PCP4L1: variants seen among roughly 807,000 people sequenced by gnomAD.
PCP4L1 encodes the protein Purkinje cell protein 4 like 1.
Under a neutral mutation model 9.6 loss-of-function variants are expected in PCP4L1, and 9 were observed. The ratio of observed to expected loss-of-function variants is 0.94; its 90% CI spans 0.57 to 1.64. The LOEUF is 1.64. PCP4L1 is among the 40% of genes most tolerant of loss of function. PCP4L1 has a pLI of 0.00. For synonymous variants in PCP4L1, 31 were observed against 28.2 expected (o/e 1.10, Z -0.31); for missense variants, 81 against 80.8 (o/e 1.00, Z -0.01).
In PCP4L1 at chr1:161,261,484, G is replaced by A. The variant is rs1006742875; in HGVS notation, c.9+2501G>A. On this transcript the variant is annotated intron_variant, in intron 1 of 2. Coordinates refer to ENST00000504449, the MANE Select transcript of PCP4L1 (RefSeq NM_001102566.2). ...TTTGTCTGCATTCACAGCTGCAGGC[G>A]GGACTTGATTGCTGTGGATCACACT... is the stretch of plus-strand genomic sequence containing the variant. Among the ~76,000 whole-genome samples, 6 of 152,336 alleles carry A rather than the reference G, an allele frequency of 3.9e-5. No individual in the cohort carries two copies. The East Asian group carries it at 1.2e-3, about 29-fold the overall frequency.
At chr1:161,278,745 C>T (rs1464214041) in intron 1 of PCP4L1, among the ~76,000 whole-genome samples, 1 of 152,122 alleles carries the variant, frequency 6.6e-6, no homozygotes. Context: ...TTCTTATACT[C>T]TCTCCCTTAC....
intron 1 of PCP4L1, among the ~76,000 whole-genome samples, chr1:161,273,905 C>A (rs1293849236): frequency 6.6e-6 from 1 of 152,192 alleles, no homozygotes; most frequent in African/African-American, 2.4e-5. Flanking sequence ...CATACATCCC[C>A]ATACTTTTGA....
chr1:161,258,965 G>A lies in PCP4L1; in HGVS notation c.-10G>A, dbSNP rs1481170865. 6.5e-7 allele frequency: 1 copy of A among 1,534,384 alleles called. No individual in the cohort carries two copies. Among genetic ancestry groups the A allele is most frequent in the Non-Finnish European group, 8.7e-7 (1 of 1,145,938 alleles). On this transcript the variant is annotated 5_prime_UTR_variant, in exon 1 of 3. Transcript: ENST00000504449. ...GTGCAGCGCCTCGCGCGCCCTGTCCGGCTGCGGAGATGAGCGAGGTGAGCG... is the reference window on the plus strand; with the variant it reads ...GTGCAGCGCCTCGCGCGCCCTGTCCAGCTGCGGAGATGAGCGAGGTGAGCG...
chr1:161,268,245 T>C (rs1478060762), intron 1 of PCP4L1, among the ~76,000 whole-genome samples: 1 of 151,774 alleles, frequency 6.6e-6, no homozygotes, highest in Non-Finnish European at 1.5e-5. Flanking sequence ...TTGTGATTTC[T>C]AGGGCTTGTT....
intron 1 of PCP4L1, among the ~76,000 whole-genome samples, chr1:161,279,768 C>G (rs754057606): frequency 7.9e-5 from 12 of 152,188 alleles, no homozygotes; most frequent in Non-Finnish European, 1.3e-4. Context: ...CCAGATGAAC[C>G]ATACCTTGAG....
intron 1 of PCP4L1, among the ~76,000 whole-genome samples, chr1:161,263,118 C>T (rs1311104925): frequency 1.3e-5 from 2 of 152,218 alleles, no homozygotes; most frequent in Non-Finnish European, 2.9e-5. Flanking sequence ...TCTAAGTTTA[C>T]ACTGTACTAG....
At chr1:161,262,285 T>G (rs1355978846) in intron 1 of PCP4L1, among the ~76,000 whole-genome samples, 1 of 151,564 alleles carries the variant, frequency 6.6e-6, no homozygotes, top group Non-Finnish European at 1.5e-5. Flanking sequence ...ATACAAAAAA[T>G]TAGCCAGGCA....
At chr1:161,265,471 C>T (rs1174604640) in intron 1 of PCP4L1, among the ~76,000 whole-genome samples, 1 of 151,990 alleles carries the variant, frequency 6.6e-6, no homozygotes, top group Non-Finnish European at 1.5e-5. Flanking sequence ...TGCAGTGAGC[C>T]GTGATTGTGC....
intron 1 of PCP4L1, among the ~76,000 whole-genome samples, chr1:161,269,260 G>A (rs142698568): frequency 2.0e-5 from 3 of 152,084 alleles, no homozygotes; most frequent in African/African-American, 7.2e-5. Flanking sequence ...GGTGGGGAAG[G>A]GGGGGTAAGA....
chr1:161,275,192 G>T (rs1036925410), intron 1 of PCP4L1, among the ~76,000 whole-genome samples: 6 of 152,136 alleles, frequency 3.9e-5, no homozygotes, highest in African/African-American at 1.4e-4. Context: ...GAATGTAGAG[G>T]AAACAGCCAC....
chr1:161,275,270 AC>A (rs1458423466), intron 1 of PCP4L1, among the ~76,000 whole-genome samples: 1 of 152,076 alleles, frequency 6.6e-6, no homozygotes, highest in Admixed American at 6.6e-5. Context: ...TAATCCCAGC[AC>A]TTTGGGAGGC....
intron 1 of PCP4L1, among the ~76,000 whole-genome samples, chr1:161,278,853 G>C (rs1341044806): frequency 6.6e-6 from 1 of 152,072 alleles, no homozygotes; most frequent in East Asian, 1.9e-4. Flanking sequence ...CGCAATCTCA[G>C]CTCACTGCAA....
At chr1:161,279,608 T>C (rs1415003274) in intron 1 of PCP4L1, among the ~76,000 whole-genome samples, 1 of 152,230 alleles carries the variant, frequency 6.6e-6, no homozygotes, top group Non-Finnish European at 1.5e-5. Flanking sequence ...GGGGATAATA[T>C]TAAATACTCC....
chr1:161,259,442 C>G (rs1478693375), intron 1 of PCP4L1, among the ~76,000 whole-genome samples: 2 of 152,152 alleles, frequency 1.3e-5, no homozygotes, highest in Non-Finnish European at 2.9e-5. Flanking sequence ...GCCACTGTGC[C>G]CCTTTTAGAA....
chr1:161,258,856 G>T lies in PCP4L1; in HGVS notation c.-119G>T. 1 of 1,429,478 alleles carries T rather than the reference G, an allele frequency of 7.0e-7. No individual in the cohort carries two copies. Among genetic ancestry groups the T allele is most frequent in the Non-Finnish European group, 9.5e-7 (1 of 1,051,094 alleles). 88.5% of individuals were successfully genotyped at this position (1,429,478 alleles called of 1,614,324 possible). On this transcript the variant is annotated 5_prime_UTR_variant, in exon 1 of 3. Transcript: ENST00000504449. ...CTCTCCGCACTAACTCTCCTCTCCT[G>T]GTCAGCTGTAACCCCTGCCGCAGAG...
intron 1 of PCP4L1, among the ~76,000 whole-genome samples, chr1:161,275,156 T>A (rs773849957): frequency 6.6e-6 from 1 of 152,098 alleles, no homozygotes; most frequent in Non-Finnish European, 1.5e-5. Context: ...TTCCTGCTTA[T>A]TCTCAAGGTC....
At position 161,284,572 on chromosome 1, in the gene PCP4L1, G is replaced by A; in HGVS notation, c.*91G>A. The stretch of plus-strand genomic sequence containing the variant: ...TGTATCTTTATCCCTTGTCCCTCTA[G>A]CCTTTCCTTGAGGCAAGTTCAACCT... On this transcript the variant is annotated 3_prime_UTR_variant, in exon 3 of 3. Transcript: ENST00000504449. 6.6e-7 allele frequency: 1 copy of A among 1,509,394 alleles called. No individual in the cohort carries two copies. The highest frequency in any genetic ancestry group is 8.9e-7 in the Non-Finnish European group (1 of 1,122,588). 93.5% of individuals were successfully genotyped at this position (1,509,394 alleles called of 1,614,324 possible). A position where few individuals can be genotyped will look rare whatever the true frequency, so the allele number is the denominator to read the frequency against.
At chr1:161,272,702 G>T (rs989732060) in intron 1 of PCP4L1, among the ~76,000 whole-genome samples, 4 of 151,772 alleles carry the variant, frequency 2.6e-5, no homozygotes, top group Non-Finnish European at 4.4e-5. Flanking sequence ...TTTATTTAAG[G>T]ATAAATATAT....
intron 1 of PCP4L1, among the ~76,000 whole-genome samples, chr1:161,259,775 C>T (rs1669387034): frequency 6.6e-6 from 1 of 152,246 alleles, no homozygotes; most frequent in Non-Finnish European, 1.5e-5. Flanking sequence ...ATCAGCCTTT[C>T]CAAGTGAAGT....
Sources: allele counts gnomAD v4.1 joint callset (sites outside exome capture counted in the v4.1 genomes callset), GRCh38; gene constraint gnomAD v4.1.1; transcripts MANE v1.5; gene names NCBI Gene and HGNC (gene_info 2026-07-23, HGNC 2026-07-21).